The following HDLBP variants were observed in gnomAD, a reference collection of about 807,000 sequenced individuals.
HDLBP encodes the protein high density lipoprotein binding protein.
In HDLBP, 30 loss-of-function variants were observed where a neutral mutation model predicts 137.3. The ratio of observed to expected loss-of-function variants is 0.22; its 90% confidence interval spans 0.16 to 0.30. The LOEUF is 0.30. Among genes scored for constraint, HDLBP ranks in the 10% least tolerant of loss-of-function variants. The probability of loss-of-function intolerance (pLI) is 1.00; values close to 1 mark genes in which losing one functional copy is unlikely to be tolerated. For missense variants in HDLBP, 1,119 were observed against 1,667.3 expected (o/e 0.67, Z 5.73); for synonymous variants, 606 against 596.0 (o/e 1.02, Z -0.24).
chr2:241,315,587 G>C lies in HDLBP; in HGVS notation c.-120C>G, dbSNP rs2076047756. ...CTCATTACCTGTTCCACTCTTATAA[G>C]CATAAGAAAACCGAGCTCATAAGGT... On this transcript the variant is annotated 5_prime_UTR_variant, in exon 1 of 28. Coordinates refer to ENST00000310931, the MANE Select transcript of HDLBP (RefSeq NM_005336.6). 1 of 152,218 alleles carries C rather than the reference G, an allele frequency of 6.6e-6. No homozygotes were observed. Among genetic ancestry groups the C allele is most frequent in the South Asian group, 2.1e-4 (1 of 4,836 alleles). The allele number at this position is 152,218 out of a possible 1,614,324, so 9.4% of individuals were successfully genotyped here. A position where few individuals can be genotyped will look rare whatever the true frequency, so the allele number is the denominator to read the frequency against.
intron 17 of HDLBP, among the ~76,000 whole-genome samples, chr2:241,241,795 T>C (rs1272225724): frequency 6.6e-6 from 1 of 151,958 alleles, no homozygotes; most frequent in Non-Finnish European, 1.5e-5. Context: ...TGCTAAAAAT[T>C]ATAAAACACC....
At chr2:241,257,572 G>A (rs2072757150) in intron 5 of HDLBP, among the ~76,000 whole-genome samples, 1 of 152,138 alleles carries the variant, frequency 6.6e-6, no homozygotes, top group Non-Finnish European at 1.5e-5. Flanking sequence ...AAAGAAAAAA[G>A]GACAAGAAAA....
At chr2:241,263,914 G>A (rs944774086) in intron 4 of HDLBP, among the ~76,000 whole-genome samples, 5 of 152,202 alleles carry the variant, frequency 3.3e-5, no homozygotes, top group Admixed American at 6.5e-5. Flanking sequence ...AGAAGTGGTC[G>A]ACAGAAACAT....
At position 241,230,782 on chromosome 2, in the gene HDLBP, G is replaced by A. The variant is rs769840070; in HGVS notation, c.3451C>T (p.Arg1151Cys). ...RIIGARGKAI[R>C]KIMDEFKVDI... is the part of the protein sequence containing the mutation. ...ACCTTGAATTCGTCCATGATTTTGC[G>A]AATGGCTTTGCCGCGGGCACCAATG... is the stretch of plus-strand genomic sequence containing the variant. The change falls in exon 25 of 28, where the codon CGC becomes TGC. Residue 1151 changes from arginine to cysteine, a missense_variant. This residue lies in a region of HDLBP where 618 missense variants were observed against 816.7 expected (regional missense o/e 0.76). Transcript: ENST00000310931. This position sits in a 1 kb window ranked among gnomAD's most constrained non-coding sequence, Gnocchi z 5.0. 5 of 1,614,068 alleles carry A rather than the reference G, an allele frequency of 3.1e-6. No individual in the cohort carries two copies. The highest frequency in any genetic ancestry group is 1.6e-4 in the Middle Eastern group (1 of 6,082).
chr2:241,273,376 T>C (rs929372577), intron 1 of HDLBP, among the ~76,000 whole-genome samples: 16 of 152,040 alleles, frequency 1.1e-4, no homozygotes, highest in African/African-American at 3.6e-4. Context: ...AAAATCCCCT[T>C]CCTTTAAAGC....
At chr2:241,273,322 C>T in intron 1 of HDLBP, 3 of 815,390 alleles carry the variant, frequency 3.7e-6, no homozygotes, top group Non-Finnish European at 4.4e-6. Flanking sequence ...AAACTATCCC[C>T]ACCCGATTCC....
intron 1 of HDLBP, among the ~76,000 whole-genome samples, chr2:241,281,659 CT>C (rs1243291366): frequency 6.6e-6 from 1 of 152,156 alleles, no homozygotes; most frequent in Non-Finnish European, 1.5e-5. Flanking sequence ...TCACACGTGG[CT>C]AGTTTAAAAT....
At chr2:241,264,413 G>T in intron 4 of HDLBP, 35 bp downstream of exon 4, 2 of 1,444,284 alleles carry the variant, frequency 1.4e-6, no homozygotes, top group Non-Finnish European at 1.9e-6. Flanking sequence ...CATGTTACAT[G>T]ATAAAATTTT....
chr2:241,294,250 C>G lies in HDLBP; in HGVS notation c.-103+21320G>C, dbSNP rs538039596. Among the ~76,000 whole-genome samples, 6 of 152,160 alleles carry G rather than the reference C, an allele frequency of 3.9e-5. 1 individual carries two copies. In the East Asian group the frequency reaches 9.7e-4, roughly 25 times the overall value. On this transcript the variant is annotated intron_variant, in intron 1 of 27. Coordinates refer to ENST00000310931, the MANE Select transcript of HDLBP (RefSeq NM_005336.6). ...GGACCAATAACTATAATCAGGGGGC[C>G]AAGGGCATGTGTTATGTCTAGTAGC...
chr2:241,241,440 G>A (rs190044697), intron 17 of HDLBP, among the ~76,000 whole-genome samples: 2,346 of 151,816 alleles, frequency 0.015, 37 homozygotes, highest in Non-Finnish European at 0.024. Flanking sequence ...GGTGTCGGGC[G>A]CCTGTGGTCC....
chr2:241,235,480 A>T lies in HDLBP; in HGVS notation c.3009+10T>A. 6.2e-7 allele frequency: 1 copy of T among 1,606,170 alleles called. No homozygotes were observed. Among genetic ancestry groups the T allele is most frequent in the East Asian group, 2.2e-5 (1 of 44,848 alleles). On this transcript the variant is annotated intron_variant, in intron 22 of 27. Transcript: ENST00000310931. ...CTCCTGTGACATGGCCTCCCGGGAA[A>T]GGGGTCTACCTCAAACTCATCCATC...
intron 5 of HDLBP, among the ~76,000 whole-genome samples, chr2:241,258,523 T>C (rs1185598330): frequency 3.3e-5 from 5 of 151,872 alleles, no homozygotes; most frequent in Admixed American, 3.3e-4. Flanking sequence ...GACCCTGTGT[T>C]ACAACAAACA....
chr2:241,240,727 T>G lies in HDLBP; in HGVS notation c.2170-605A>C, dbSNP rs943002292. On this transcript the variant is annotated intron_variant, in intron 17 of 27. Transcript: ENST00000310931. This position sits in a 1 kb window ranked among gnomAD's most constrained non-coding sequence, Gnocchi z 5.5. ...TAGAGACCGGTCCTCAGAGGCCTCG[T>G]GTAGTGCGACGCCCTTGTGTGGCAG... Among the ~76,000 whole-genome samples the G allele has an allele frequency of 6.6e-6, 1 of 151,744 alleles. No homozygotes were observed. Among genetic ancestry groups the G allele is most frequent in the African/African-American group, 2.4e-5 (1 of 41,120 alleles).
At chr2:241,313,724 C>G (rs529416202) in intron 1 of HDLBP, among the ~76,000 whole-genome samples, 1 of 152,232 alleles carries the variant, frequency 6.6e-6, no homozygotes, top group African/African-American at 2.4e-5. Context: ...ACAACAAAAC[C>G]TGGAAAAATA....
rs145981136 is a variant in HDLBP, at chr2:241,258,227, A to G, written c.451-1421T>C. On this transcript the variant is annotated intron_variant, in intron 5 of 27. Transcript: ENST00000310931. ...ATTAGCATGGTGGCAGGCGCCTGTA[A>G]TCCCAGCTACTCGGGAGGCTGAGGC... Among the ~76,000 whole-genome samples the G allele has an allele frequency of 2.3e-3, 341 of 148,258 alleles. 6 individuals carry two copies. In the East Asian group the frequency reaches 0.039, roughly 17 times the overall value.
chr2:241,244,296 T>C (rs530604498), intron 16 of HDLBP, among the ~76,000 whole-genome samples: 46 of 152,194 alleles, frequency 3.0e-4, no homozygotes, highest in South Asian at 6.2e-4. Flanking sequence ...AAAATGCTCA[T>C]AGTGACCAAA....
At position 241,306,929 on chromosome 2, in the gene HDLBP, A is replaced by G. The variant is rs1454602850; in HGVS notation, c.-103+8641T>C. 2.0e-5 allele frequency among the ~76,000 whole-genome samples: 3 copies of G among 149,822 alleles called. No individual in the cohort carries two copies. In the East Asian group the frequency reaches 5.9e-4, roughly 29 times the overall value. On this transcript the variant is annotated intron_variant, in intron 1 of 27. Coordinates refer to ENST00000310931, the MANE Select transcript of HDLBP (RefSeq NM_005336.6). Reference sequence around the variant, plus strand: ...AAGTATCCCAAGTCCCCAAGTCATAAGGCTGATAAGAACAGGTCCAGGGAG... The same window carrying G: ...AAGTATCCCAAGTCCCCAAGTCATAGGGCTGATAAGAACAGGTCCAGGGAG...
chr2:241,249,937 A>T lies in HDLBP; in HGVS notation c.1416T>A (p.Pro472=). The change falls in exon 12 of 28, where the codon CCT becomes CCA. Residue 472 remains proline (P), a synonymous_variant. Coordinates refer to ENST00000310931, the MANE Select transcript of HDLBP (RefSeq NM_005336.6). ...TCAAATTGCTCTTCTCACTGTCAGG[A>T]GGGATGCGCACGGACACCTTGTACT... ...KDQYKVSVRI[P]PDSEKSNLIR... is the part of the protein sequence containing the mutation. The T allele has an allele frequency of 2.5e-6, 4 of 1,613,874 alleles. No individual in the cohort carries two copies. The South Asian group carries it at 4.4e-5, about 18-fold the overall frequency.
chr2:241,272,057 C>A lies in HDLBP; in HGVS notation c.-102-3516G>T. On this transcript the variant is annotated intron_variant, in intron 1 of 27. Coordinates refer to ENST00000310931, the MANE Select transcript of HDLBP (RefSeq NM_005336.6). The surrounding 1 kb of genome is among the most constrained non-coding windows in gnomAD (Gnocchi z 5.6). ...GCAACCCCTCGGCCTCCCCGCCTTT[C>A]ATCCAAATTCGGTACTTTTCCGTAA... 2.4e-6 allele frequency: 1 copy of A among 418,824 alleles called. No individual in the cohort carries two copies. Among genetic ancestry groups the A allele is most frequent in the Non-Finnish European group, 3.2e-6 (1 of 311,640 alleles). 25.9% of individuals were successfully genotyped at this position (418,824 alleles called of 1,614,324 possible). A position where few individuals can be genotyped will look rare whatever the true frequency, so the allele number is the denominator to read the frequency against.
Sources: gnomAD v4.1 joint callset for allele counts (sites outside exome capture counted in the v4.1 genomes callset) on GRCh38, gnomAD v4.1.1 for gene constraint, gnomAD v4.1.1 regional missense constraint, Gnocchi (gnomAD v3.1) non-coding constraint, MANE v1.5 for transcripts, NCBI Gene and HGNC (gene_info 2026-07-23, HGNC 2026-07-21) for gene names.